WDPCP: variants seen among roughly 807,000 people sequenced by gnomAD.
The protein encoded by WDPCP is WD repeat-containing and planar cell polarity effector protein fritz homolog.
Under a neutral mutation model 93.1 loss-of-function variants are expected in WDPCP, and 71 were observed. The ratio of observed to expected loss-of-function variants is 0.76; its 90% confidence interval spans 0.63 to 0.93. The LOEUF is 0.93. WDPCP is among the 40% of genes least tolerant of loss of function. The pLI, the probability that WDPCP is intolerant of heterozygous loss-of-function variation, is 0.00. For synonymous variants in WDPCP, 315 were observed against 315.0 expected, an observed-to-expected ratio of 1.00 and a Z score of 0.00; for missense variants, 844 against 887.4, an observed-to-expected ratio of 0.95 and a Z score of 0.62.
intron 6 of WDPCP, among the ~76,000 whole-genome samples, chr2:63,479,460 C>A (rs1027951750): frequency 6.6e-6 from 1 of 152,064 alleles, no homozygotes; most frequent in Non-Finnish European, 1.5e-5. Context: ...TAACTGAATT[C>A]AACAACACAT....
At chr2:63,664,246 T>C (rs1710259947) in intron 2 of WDPCP, among the ~76,000 whole-genome samples, 1 of 152,152 alleles carries the variant, frequency 6.6e-6, no homozygotes. Flanking sequence ...CCTGGTTAGT[T>C]TAAGTAGGAA....
intron 3 of WDPCP, among the ~76,000 whole-genome samples, chr2:63,647,414 G>T (rs531578641): frequency 6.6e-6 from 1 of 152,102 alleles, no homozygotes; most frequent in Non-Finnish European, 1.5e-5. Context: ...GATTACAGGC[G>T]TGAGCCACCA....
intron 2 of WDPCP, among the ~76,000 whole-genome samples, chr2:63,788,066 T>A (rs1221881834): frequency 6.6e-6 from 1 of 151,968 alleles, no homozygotes; most frequent in African/African-American, 2.4e-5. Flanking sequence ...ATAAATAAAA[T>A]AAAATAAAAA....
intron 1 of WDPCP, among the ~76,000 whole-genome samples, chr2:63,816,953 G>C (rs559571635): frequency 1.2e-4 from 18 of 152,160 alleles, no homozygotes; most frequent in Non-Finnish European, 2.5e-4. Context: ...TCAGAACAGT[G>C]GTTAACCTCT....
In WDPCP at chr2:63,719,805, A is replaced by G. The variant is rs148990673; in HGVS notation, n.309-68967T>C. 4.1e-3 allele frequency among the ~76,000 whole-genome samples: 626 copies of G among 152,302 alleles called. 3 individuals are homozygous for G. Among genetic ancestry groups the G allele is most frequent in the African/African-American group, 0.014 (585 of 41,566 alleles). ...TTATAAAAGTTTTTAAAAGTTTACC[A>G]TATATTAGGCTATAAGAAAATCAAA... On this transcript the variant is annotated intron_variant and non_coding_transcript_variant, in intron 2 of 4. Transcript: ENST00000467687.
chr2:63,149,533 A>G (rs1053807278), intron 17 of WDPCP, among the ~76,000 whole-genome samples: 6 of 152,220 alleles, frequency 3.9e-5, no homozygotes, highest in Non-Finnish European at 7.3e-5. Flanking sequence ...AGGAATATAT[A>G]GTTGCCCTGT....
chr2:63,154,021 A>T (rs1051555946), intron 15 of WDPCP, among the ~76,000 whole-genome samples: 13 of 151,908 alleles, frequency 8.6e-5, no homozygotes, highest in African/African-American at 2.9e-4. Context: ...AGAATAATAT[A>T]AATATCCAGA....
At chr2:63,242,100 G>A (rs940072918) in intron 14 of WDPCP, among the ~76,000 whole-genome samples, 1 of 152,074 alleles carries the variant, frequency 6.6e-6, no homozygotes, top group Non-Finnish European at 1.5e-5. Flanking sequence ...GTTATCTCCA[G>A]GTAATAATAT....
intron 1 of WDPCP, among the ~76,000 whole-genome samples, chr2:63,817,488 G>A (rs979389960): frequency 2.0e-5 from 3 of 152,130 alleles, no homozygotes; most frequent in Admixed American, 1.3e-4. Context: ...AAACAGCAAT[G>A]AGGACTGAAA....
At chr2:63,245,307 C>T (rs1041807968) in intron 14 of WDPCP, among the ~76,000 whole-genome samples, 4 of 152,106 alleles carry the variant, frequency 2.6e-5, no homozygotes, top group African/African-American at 9.7e-5. Flanking sequence ...ATTCTCTGCT[C>T]TTTGTAAAGA....
chr2:63,809,354 G>A (rs1248174569), intron 2 of WDPCP, among the ~76,000 whole-genome samples: 2 of 151,844 alleles, frequency 1.3e-5, no homozygotes, highest in African/African-American at 4.8e-5. Flanking sequence ...CTGCCCAGCC[G>A]CCCCTACTGG....
At chr2:63,380,463 C>T (rs551109470) in intron 11 of WDPCP, among the ~76,000 whole-genome samples, 4 of 152,118 alleles carry the variant, frequency 2.6e-5, no homozygotes, top group Non-Finnish European at 5.9e-5. Context: ...CTTGGCCAGG[C>T]GCAGTACGGG....
intron 2 of WDPCP, among the ~76,000 whole-genome samples, chr2:63,687,888 A>G (rs1558884488): frequency 6.6e-6 from 1 of 152,236 alleles, no homozygotes; most frequent in African/African-American, 2.4e-5. Context: ...CTGTACTCCC[A>G]TGTTTATTGC....
chr2:63,441,540 T>C (rs1486551138), intron 6 of WDPCP: 3 of 152,130 alleles, frequency 2.0e-5, no homozygotes, highest in Admixed American at 6.6e-5. Flanking sequence ...CTTGGCCACA[T>C]TTATCTTTGT....
chr2:63,532,792 C>T (rs957973077), intron 1 of WDPCP, among the ~76,000 whole-genome samples: 2 of 152,182 alleles, frequency 1.3e-5, no homozygotes, highest in Non-Finnish European at 2.9e-5. Flanking sequence ...TAGGAAGAAA[C>T]TGCATCAACT....
chr2:63,305,551 G>C (rs371700741), intron 13 of WDPCP, among the ~76,000 whole-genome samples: 9 of 152,016 alleles, frequency 5.9e-5, no homozygotes, highest in East Asian at 3.9e-4. Flanking sequence ...CCATCCAAAG[G>C]TCACCAGCAT....
At chr2:63,719,420 C>G (rs1008639758) in intron 2 of WDPCP, among the ~76,000 whole-genome samples, 3 of 152,152 alleles carry the variant, frequency 2.0e-5, no homozygotes, top group African/African-American at 7.2e-5. Flanking sequence ...CCAACAAAAC[C>G]TAGCTGAAAA....
intron 13 of WDPCP, among the ~76,000 whole-genome samples, chr2:63,293,594 C>G (rs924381233): frequency 1.3e-5 from 2 of 151,992 alleles, no homozygotes; most frequent in Non-Finnish European, 2.9e-5. Flanking sequence ...TGTAAAACAG[C>G]TGTCTAAAAT....
At chr2:63,544,244 T>C (rs536946284) in intron 1 of WDPCP, among the ~76,000 whole-genome samples, 1 of 152,204 alleles carries the variant, frequency 6.6e-6, no homozygotes, top group South Asian at 2.1e-4. Flanking sequence ...ATTCCACAAA[T>C]TTAATAAAGT....
Sources: allele counts gnomAD v4.1 joint callset (sites outside exome capture counted in the v4.1 genomes callset), GRCh38; gene constraint gnomAD v4.1.1; transcripts MANE v1.5; gene names NCBI Gene and HGNC (gene_info 2026-07-23, HGNC 2026-07-21).